The following BMPR1B variants were observed in gnomAD, a reference collection of about 807,000 sequenced individuals.
The protein encoded by BMPR1B is bone morphogenetic protein receptor type-1B.
A neutral mutation model predicts 59.1 loss-of-function variants in BMPR1B; 12 were observed. That is an observed-to-expected ratio of 0.20 (90% CI 0.13 to 0.33). BMPR1B has a LOEUF of 0.33. Among genes scored for constraint, BMPR1B ranks in the 10% least tolerant of loss-of-function variants. The probability of loss-of-function intolerance (pLI) is 1.00; values close to 1 mark genes in which losing one functional copy is unlikely to be tolerated. For missense variants in BMPR1B, 550 were observed against 610.9 expected (o/e 0.90, Z 1.05); for synonymous variants, 237 against 207.3 (o/e 1.14, Z -1.23).
At chr4:94,972,483 A>G (rs1335992028) in intron 2 of BMPR1B, among the ~76,000 whole-genome samples, 4 of 152,068 alleles carry the variant, frequency 2.6e-5, no homozygotes, top group African/African-American at 9.7e-5. Flanking sequence ...ATACCCATAC[A>G]TGTTCATAAT....
intron 3 of BMPR1B, among the ~76,000 whole-genome samples, chr4:94,999,890 A>G (rs556725167): frequency 6.6e-6 from 1 of 152,326 alleles, no homozygotes; most frequent in South Asian, 2.1e-4. Flanking sequence ...CAGAAGAAGA[A>G]GTTGCTCCTC....
chr4:94,770,154 A>G (rs556564051), intron 1 of BMPR1B, among the ~76,000 whole-genome samples: 1 of 80,098 alleles, frequency 1.2e-5, no homozygotes, highest in East Asian at 2.3e-4. Context: ...ATTTGTTTTT[A>G]TTTGTTTGAA....
intron 1 of BMPR1B, among the ~76,000 whole-genome samples, chr4:94,811,893 C>T (rs554477646): frequency 3.9e-5 from 6 of 152,084 alleles, no homozygotes; most frequent in African/African-American, 7.2e-5. Flanking sequence ...GCATATTCTG[C>T]GATGTGGAAA....
At chr4:94,860,294 C>T (rs1448793832) in intron 1 of BMPR1B, among the ~76,000 whole-genome samples, 1 of 152,036 alleles carries the variant, frequency 6.6e-6, no homozygotes, top group Non-Finnish European at 1.5e-5. Context: ...GAGCAAAAAC[C>T]GAGTATTTAG....
At chr4:94,861,676 TATG>T (rs1725983330) in intron 1 of BMPR1B, among the ~76,000 whole-genome samples, 1 of 152,222 alleles carries the variant, frequency 6.6e-6, no homozygotes, top group Non-Finnish European at 1.5e-5. Flanking sequence ...AATTAGGCTT[TATG>T]ATATTTTTTA....
intron 3 of BMPR1B, among the ~76,000 whole-genome samples, chr4:95,009,241 T>A (rs1723061925): frequency 6.6e-6 from 1 of 152,200 alleles, no homozygotes; most frequent in South Asian, 2.1e-4. Flanking sequence ...TAAACATATT[T>A]TTCCGCAGCA....
At chr4:95,005,156 C>T (rs1458773648) in intron 3 of BMPR1B, among the ~76,000 whole-genome samples, 1 of 151,950 alleles carries the variant, frequency 6.6e-6, no homozygotes, top group Non-Finnish European at 1.5e-5. Context: ...TATGTTCCTT[C>T]TAGTTAAAAG....
intron 3 of BMPR1B, among the ~76,000 whole-genome samples, chr4:95,010,312 A>G (rs1276056541): frequency 3.9e-5 from 6 of 152,058 alleles, no homozygotes; most frequent in Non-Finnish European, 7.4e-5. Context: ...CATGGTTGTT[A>G]ATTGATGTGT....
rs1430593586 is a variant in BMPR1B at position 95,071,648 on chromosome 4, G to GCATATA, written c.-17-32760_-17-32759insCATATA. 2.0e-3 allele frequency among the ~76,000 whole-genome samples: 207 copies of GCATATA among 104,762 alleles called. 3 individuals carry two copies. The highest frequency in any genetic ancestry group is 8.1e-3 in the African/African-American group (203 of 25,162). The allele number at this position is 104,762 out of a possible 152,430, so 68.7% of individuals were successfully genotyped here. A position where few individuals can be genotyped will look rare whatever the true frequency, so the allele number is the denominator to read the frequency against. ...TATGTGTGTTTGTGTGTGTGTGTGT[G>GCATATA]TGTGTATATATATATATATATATAT... On this transcript the variant is annotated intron_variant, in intron 3 of 12. Coordinates refer to ENST00000515059, the MANE Select transcript of BMPR1B (RefSeq NM_001203.3).
chr4:94,779,411 T>C (rs185474525), intron 1 of BMPR1B, among the ~76,000 whole-genome samples: 5 of 152,334 alleles, frequency 3.3e-5, no homozygotes, highest in Non-Finnish European at 1.5e-5. Flanking sequence ...TTGCCTTAAC[T>C]AGAATATAAT....
intron 10 of BMPR1B, among the ~76,000 whole-genome samples, chr4:95,147,694 C>G (rs1181166428): frequency 6.6e-6 from 1 of 152,094 alleles, no homozygotes; most frequent in African/African-American, 2.4e-5. Flanking sequence ...TGGTTATAGT[C>G]TGTTCATCTG....
chr4:95,131,333 A>C lies in BMPR1B; in HGVS notation c.897A>C (p.Lys299Asn), dbSNP rs760837301. The change falls in exon 10 of 13, where the codon AAA (lysine) becomes AAC (asparagine). Residue 299 changes from lysine to asparagine, a missense_variant. Transcript: ENST00000515059. ...DYLKSTTLDA[K>N]SMLKLAYSSV... ...TGAAGTCCACCACCCTAGACGCTAAATCAATGCTGAAGTTAGCCTACTCTT... is the reference window on the plus strand; with the variant it reads ...TGAAGTCCACCACCCTAGACGCTAACTCAATGCTGAAGTTAGCCTACTCTT... The C allele has an allele frequency of 6.2e-7, 1 of 1,613,922 alleles. No homozygotes were observed. The highest frequency in any genetic ancestry group is 2.2e-5 in the East Asian group (1 of 44,872).
chr4:94,965,529 A>T (rs1449205924), intron 2 of BMPR1B, among the ~76,000 whole-genome samples: 1 of 152,140 alleles, frequency 6.6e-6, no homozygotes. Context: ...GTTATATAAG[A>T]TATTCCAAAT....
intron 3 of BMPR1B, among the ~76,000 whole-genome samples, chr4:95,036,416 A>G (rs773711241): frequency 3.3e-5 from 5 of 152,028 alleles, no homozygotes; most frequent in Non-Finnish European, 7.4e-5. Context: ...TTGTCCACGA[A>G]GTTCATCGTT....
chr4:95,151,402 A>G (rs928640131), intron 11 of BMPR1B, among the ~76,000 whole-genome samples: 7 of 152,188 alleles, frequency 4.6e-5, no homozygotes, highest in African/African-American at 1.4e-4. Context: ...TTCCAGGGCC[A>G]TGGTCCTGAG....
chr4:94,882,644 A>G (rs1317692675), intron 2 of BMPR1B, among the ~76,000 whole-genome samples: 3 of 152,192 alleles, frequency 2.0e-5, no homozygotes, highest in Non-Finnish European at 4.4e-5. Flanking sequence ...TCCAGCTAGA[A>G]TTGGTAGGGT....
chr4:94,955,661 G>A (rs1395689381), intron 2 of BMPR1B, among the ~76,000 whole-genome samples: 3 of 128,354 alleles, frequency 2.3e-5, no homozygotes, highest in Non-Finnish European at 3.3e-5. Flanking sequence ...ACAGAATCTC[G>A]CTCTGTCACC....
At chr4:95,075,905 T>A (rs1016479678) in intron 3 of BMPR1B, among the ~76,000 whole-genome samples, 2 of 152,160 alleles carry the variant, frequency 1.3e-5, no homozygotes, top group African/African-American at 2.4e-5. Context: ...ATTCTTTTTT[T>A]TTCTAGTTGG....
At chr4:94,845,600 C>T (rs1487343933) in intron 1 of BMPR1B, among the ~76,000 whole-genome samples, 1 of 152,092 alleles carries the variant, frequency 6.6e-6, no homozygotes, top group African/African-American at 2.4e-5. Flanking sequence ...CCTGGGCCTC[C>T]CAAAGTGCTG....
Sources: allele counts gnomAD v4.1 joint callset (sites outside exome capture counted in the v4.1 genomes callset), GRCh38; gene constraint gnomAD v4.1.1; transcripts MANE v1.5; gene names NCBI Gene and HGNC (gene_info 2026-07-23, HGNC 2026-07-21).